Variants in FLI1 observed in about 807,000 individuals in gnomAD.
The protein encoded by FLI1 is Friend leukemia integration 1 transcription factor.
FLI1 carries 13 observed loss-of-function variants against 53.1 expected under a neutral mutation model. The observed-to-expected ratio is 0.24, with a 90% CI of 0.16 to 0.39. FLI1 has a LOEUF of 0.39. FLI1 is among the 10% of genes least tolerant of loss of function. The probability of loss-of-function intolerance (pLI) is 1.00; values close to 1 mark genes in which losing one functional copy is unlikely to be tolerated. For synonymous variants in FLI1, 244 were observed against 236.7 expected (o/e 1.03, Z -0.28); for missense variants, 424 against 600.5 (o/e 0.71, Z 3.07).
intron 6 of FLI1, 45 bp from the exon 7 acceptor site, chr11:128,807,135 G>C: frequency 7.2e-7 from 1 of 1,385,596 alleles, no homozygotes. Flanking sequence ...GCTCCCCTCG[G>C]GGAGCTGGGT....
At chr11:128,779,346 C>G (rs935434030) in intron 4 of FLI1, among the ~76,000 whole-genome samples, 4 of 152,188 alleles carry the variant, frequency 2.6e-5, no homozygotes, top group Admixed American at 2.6e-4. Flanking sequence ...ATTCTTGGTC[C>G]TACTTCTGGG....
chr11:128,697,857 C>T (rs1565454101), intron 1 of FLI1, among the ~76,000 whole-genome samples: 1 of 152,176 alleles, frequency 6.6e-6, no homozygotes, highest in Non-Finnish European at 1.5e-5. Context: ...AATGTAGACG[C>T]TAGTGGAGGG....
chr11:128,810,850 C>T lies in FLI1; in HGVS notation c.1221C>T (p.Ser407=), dbSNP rs1441353835. ...KVNFVPPHPS[S]MPVTSSSFFG... is the part of the protein sequence containing the mutation. ...ACTTTGTCCCTCCCCATCCATCCTC[C>T]ATGCCTGTCACTTCCTCCAGCTTCT... is the stretch of plus-strand genomic sequence containing the variant. The change falls in exon 9 of 9, where the codon TCC becomes TCT. Residue 407 remains serine, a synonymous_variant. Transcript: ENST00000527786. The surrounding 1 kb of genome is among the most constrained non-coding windows in gnomAD (Gnocchi z 6.6). 2 of 1,614,066 alleles carry T rather than the reference C, an allele frequency of 1.2e-6. No homozygotes were observed. The highest frequency in any genetic ancestry group is 1.7e-6 in the Non-Finnish European group (2 of 1,179,908).
chr11:128,694,407 C>A, intron 1 of FLI1, 131 bp downstream of exon 1: 1 of 696,322 alleles, frequency 1.4e-6, no homozygotes, highest in Non-Finnish European at 2.1e-6. Context: ...CGGCTTCGCG[C>A]CGGCTCCTCC....
intron 5 of FLI1, among the ~76,000 whole-genome samples, chr11:128,785,917 G>T (rs1232588943): frequency 1.3e-5 from 2 of 152,226 alleles, no homozygotes; most frequent in Non-Finnish European, 1.5e-5. Flanking sequence ...GAGCTGGATG[G>T]TGGTAATCGT....
At chr11:128,794,186 CT>C (rs1375505543) in intron 5 of FLI1, among the ~76,000 whole-genome samples, 2 of 152,180 alleles carry the variant, frequency 1.3e-5, no homozygotes, top group Non-Finnish European at 2.9e-5. Flanking sequence ...AGCTTCATTG[CT>C]ATTGCTTGGT....
intron 1 of FLI1, among the ~76,000 whole-genome samples, chr11:128,738,276 C>T (rs1939988111): frequency 6.6e-6 from 1 of 152,158 alleles, no homozygotes; most frequent in Non-Finnish European, 1.5e-5. Flanking sequence ...GCTGTTTCTA[C>T]TCTACACTCC....
At chr11:128,802,362 T>A (rs1470325712) in intron 5 of FLI1, among the ~76,000 whole-genome samples, 1 of 152,218 alleles carries the variant, frequency 6.6e-6, no homozygotes, top group Non-Finnish European at 1.5e-5. Context: ...CTGTCCTTTG[T>A]GCAGCCAGGT....
intron 1 of FLI1, among the ~76,000 whole-genome samples, chr11:128,756,399 C>G (rs1940861272): frequency 6.6e-6 from 1 of 152,132 alleles, no homozygotes; most frequent in South Asian, 2.1e-4. Context: ...GAACACCAGT[C>G]ATATTGGATT....
Position 128,810,522 on chromosome 11 carries a change from G to A in FLI1, c.893G>A (p.Ser298Asn). Residue 298 changes from serine (S) to asparagine (N), a missense_variant, in exon 9 of 9, where the codon AGC becomes AAC. Physicochemically the swap from Ser to Asn is conservative, Grantham distance 46. Coordinates refer to ENST00000527786, the MANE Select transcript of FLI1 (RefSeq NM_002017.5). The surrounding 1 kb of genome is among the most constrained non-coding windows in gnomAD (Gnocchi z 6.6). ...CTGCTCTCCGACAGCGCCAACGCCA[G>A]CTGTATCACCTGGGAGGGGACCAAC... Reference protein sequence around the residue: ...LELLSDSANASCITWEGTNGE... With the variant: ...LELLSDSANANCITWEGTNGE... 2 of 1,610,686 alleles carry A rather than the reference G, an allele frequency of 1.2e-6. No homozygotes were observed. The highest frequency in any genetic ancestry group is 1.7e-6 in the Non-Finnish European group (2 of 1,178,408).
At chr11:128,768,541 T>C (rs1158210145) in intron 3 of FLI1, 12 of 420,608 alleles carry the variant, frequency 2.9e-5, no homozygotes, top group Non-Finnish European at 2.2e-5. Context: ...ATACAAAAAT[T>C]AGCCAGGTGT....
At chr11:128,721,659 A>G (rs1394136008) in intron 1 of FLI1, among the ~76,000 whole-genome samples, 2 of 152,202 alleles carry the variant, frequency 1.3e-5, no homozygotes, top group African/African-American at 4.8e-5. Context: ...GAGTTCCTAC[A>G]TGAACCCAAA....
intron 1 of FLI1, among the ~76,000 whole-genome samples, chr11:128,751,142 C>T (rs549737763): frequency 6.6e-5 from 10 of 152,166 alleles, no homozygotes; most frequent in Non-Finnish European, 1.2e-4. Context: ...TTAGTGAAAT[C>T]GGCTCTGTAC....
At chr11:128,809,917 A>G (rs1942894520) in intron 8 of FLI1, among the ~76,000 whole-genome samples, 1 of 152,122 alleles carries the variant, frequency 6.6e-6, no homozygotes, top group Non-Finnish European at 1.5e-5. Flanking sequence ...TAGAACTTAG[A>G]GCTGCAAGCC....
intron 5 of FLI1, among the ~76,000 whole-genome samples, chr11:128,798,060 G>A (rs556044751): frequency 3.4e-4 from 52 of 152,274 alleles, no homozygotes; most frequent in African/African-American, 1.2e-3. Flanking sequence ...GCAGGGCAGA[G>A]GGCGTTGCGT....
intron 3 of FLI1, among the ~76,000 whole-genome samples, chr11:128,769,001 C>A (rs779636847): frequency 2.0e-5 from 3 of 152,236 alleles, no homozygotes; most frequent in Non-Finnish European, 4.4e-5. Context: ...CCAGGTTCCA[C>A]CTTTCCAAAA....
chr11:128,776,638 G>A (rs190109661), intron 4 of FLI1, among the ~76,000 whole-genome samples: 8 of 152,302 alleles, frequency 5.3e-5, no homozygotes, highest in Admixed American at 3.9e-4. Context: ...GCGATAGACC[G>A]AGGCTCTGTC....
intron 1 of FLI1, among the ~76,000 whole-genome samples, chr11:128,701,760 T>C (rs1172080979): frequency 1.3e-5 from 2 of 152,202 alleles, no homozygotes; most frequent in East Asian, 1.9e-4. Flanking sequence ...CAGTGCTATG[T>C]GTCCAAGGCA....
upstream of FLI1, chr11:128,693,519 C>A (rs1000050060): frequency 1.7e-5 from 3 of 181,106 alleles, no homozygotes; most frequent in East Asian, 1.8e-4. Flanking sequence ...CCATACCCCC[C>A]CTACCCCACC....
Sources: allele counts gnomAD v4.1 joint callset (sites outside exome capture counted in the v4.1 genomes callset), GRCh38; gene constraint gnomAD v4.1.1; non-coding constraint Gnocchi (gnomAD v3.1); transcripts MANE v1.5; gene names NCBI Gene and HGNC (gene_info 2026-07-23, HGNC 2026-07-21).